The following CHD1 variants were observed in gnomAD, a reference collection of about 807,000 sequenced individuals.
CHD1 encodes the protein chromodomain helicase DNA binding protein 1.
In CHD1, 36 loss-of-function variants were observed where a neutral mutation model predicts 224.2. The observed-to-expected ratio is 0.16, with a 90% CI of 0.12 to 0.21. The LOEUF is 0.21. CHD1 is among the 10% of genes least tolerant of loss of function. The pLI, the probability that CHD1 is intolerant of heterozygous loss-of-function variation, is 1.00. For synonymous variants in CHD1, 668 were observed against 658.3 expected (o/e 1.01, Z -0.23); for missense variants, 1,378 against 1,994.8 (o/e 0.69, Z 5.89).
chr5:98,897,169 A>G (rs750504887), intron 11 of CHD1, 24 bp downstream of exon 11: 1 of 1,600,504 alleles, frequency 6.2e-7, no homozygotes, highest in Non-Finnish European at 8.5e-7. Flanking sequence ...GTCAAATTAA[A>G]TAGATGATTC....
chr5:98,901,376 A>G (rs754081316), intron 5 of CHD1, 41 bp from the exon 6 acceptor site: 3 of 1,535,842 alleles, frequency 2.0e-6, no homozygotes, highest in African/African-American at 1.4e-5. Flanking sequence ...TTGTACTTAT[A>G]TGGCAAGTTT....
intron 9 of CHD1, 71 bp downstream of exon 9, chr5:98,898,593 C>A: frequency 8.0e-7 from 1 of 1,254,406 alleles, no homozygotes; most frequent in Non-Finnish European, 1.1e-6. Context: ...ATGTAAGTGG[C>A]AAACTTATGA....
At position 98,856,559 on chromosome 5, in the gene CHD1, G is replaced by A. The variant is rs1326111325; in HGVS notation, c.4954C>T (p.His1652Tyr). 5.6e-6 allele frequency: 9 copies of A among 1,613,780 alleles called. No individual in the cohort carries two copies. In the East Asian group the frequency reaches 1.3e-4, roughly 24 times the overall value. Residue 1652 changes from histidine to tyrosine, a missense_variant, in exon 36 of 36, where the codon CAT (histidine) becomes TAT (tyrosine). Physicochemically the swap from His to Tyr is moderately conservative, Grantham distance 83 (BLOSUM62 2). This residue lies in a region of CHD1 where 278 missense variants were observed against 298.5 expected (regional missense o/e 0.93). Coordinates refer to ENST00000614616, the MANE Select transcript of CHD1 (RefSeq NM_001270.4). ...TACCTATAATCCCTGGAAGATTTATGGTGCGTATATTCAGAACTTGACCGG... is the reference window on the plus strand; with the variant it reads ...TACCTATAATCCCTGGAAGATTTATAGTGCGTATATTCAGAACTTGACCGG... ...DHRSSSEYTH[H>Y]KSSRDYRYHS... is the part of the protein sequence containing the mutation.
At chr5:98,903,067 A>G in intron 4 of CHD1, 103 bp from the exon 5 acceptor site, 1 of 573,072 alleles carries the variant, frequency 1.7e-6, no homozygotes, top group South Asian at 2.7e-5. Flanking sequence ...TACAAATAAC[A>G]GCACTTGTGA....
At chr5:98,867,668 C>CTTCTTAAA in intron 31 of CHD1, among the ~76,000 whole-genome samples, 1 of 152,140 alleles carries the variant, frequency 6.6e-6, no homozygotes. Flanking sequence ...TTAAACCCCT[C>CTTCTTAAA]TTCTTAAAAG....
chr5:98,862,113 G>A (rs1051732825), intron 32 of CHD1, among the ~76,000 whole-genome samples: 9 of 152,004 alleles, frequency 5.9e-5, no homozygotes, highest in Non-Finnish European at 8.8e-5. Flanking sequence ...GCTGAGATTC[G>A]CCACTGCACT....
intron 2 of CHD1, among the ~76,000 whole-genome samples, chr5:98,915,179 T>C (rs538402648): frequency 2.6e-5 from 4 of 152,172 alleles, no homozygotes; most frequent in Admixed American, 6.5e-5. Context: ...CTATAAAAGG[T>C]TTCAGAAAAC....
chr5:98,916,724 A>T (rs1752760635), intron 2 of CHD1, among the ~76,000 whole-genome samples: 1 of 152,168 alleles, frequency 6.6e-6, no homozygotes, highest in Non-Finnish European at 1.5e-5. Context: ...GCACCTAAGA[A>T]AAAACTGCCT....
chr5:98,915,378 T>G (rs1210274828), intron 2 of CHD1, among the ~76,000 whole-genome samples: 1 of 152,172 alleles, frequency 6.6e-6, no homozygotes, highest in Non-Finnish European at 1.5e-5. Context: ...CTGAAGAAAT[T>G]TAAAACTGTT....
Position 98,866,614 on chromosome 5 carries a change from A to G in CHD1, c.4248+1881T>C, listed in dbSNP as rs114316824. On this transcript the variant is annotated intron_variant, in intron 31 of 35. Coordinates refer to ENST00000614616, the MANE Select transcript of CHD1 (RefSeq NM_001270.4). The stretch of plus-strand genomic sequence containing the variant: ...ATAAAGCTGACACCCAAGTCTAACA[A>G]GTGACTGAAGTATGTTAACTGCTCC... Among the ~76,000 whole-genome samples the G allele has an allele frequency of 9.2e-3, 1,401 of 152,304 alleles. 16 individuals are homozygous for G. The highest frequency in any genetic ancestry group is 0.026 in the South Asian group (124 of 4,820).
rs753976094 is a variant in CHD1, at chr5:98,897,193, T to C, written c.1493A>G (p.Lys498Arg). The change falls in exon 11 of 36, where the codon AAA (lysine) becomes AGA (arginine). Residue 498 changes from lysine (K) to arginine (R), a missense_variant and splice_region_variant. By Grantham distance (26) the Lys-to-Arg change is conservative. Around this residue, in one of 16 missense-constraint regions of CHD1, gnomAD observed 49 missense variants for 135.7 expected, o/e 0.36. Transcript: ENST00000614616. ...AATAGATGATTCAAAATATACTTACTTGCACCAAGAATGAGCAAGCCAATT... is the reference window on the plus strand; with the variant it reads ...AATAGATGATTCAAAATATACTTACCTGCACCAAGAATGAGCAAGCCAATT... ...GLNWLAHSWC[K>R]GNSCILADEM... 6.2e-7 allele frequency: 1 copy of C among 1,610,018 alleles called. No homozygotes were observed. Among genetic ancestry groups the C allele is most frequent in the Non-Finnish European group, 8.5e-7 (1 of 1,178,320 alleles).
chr5:98,928,123 C>T (rs1440884220), intron 1 of CHD1, among the ~76,000 whole-genome samples: 1 of 152,156 alleles, frequency 6.6e-6, no homozygotes, highest in Non-Finnish European at 1.5e-5. Context: ...CTCTTCCCGC[C>T]TCAAACTTCC....
Position 98,855,648 on chromosome 5 carries a change from TA to T in CHD1, c.*731del, listed in dbSNP as rs1298875237. On this transcript the variant is annotated 3_prime_UTR_variant, in exon 36 of 36. Coordinates refer to ENST00000614616, the MANE Select transcript of CHD1 (RefSeq NM_001270.4). ...CAATGATTCCATCAAGACAAATCATTAAAAAGTGTTATTACACTGATTTTTT... is the reference window on the plus strand; with the variant it reads ...CAATGATTCCATCAAGACAAATCATTAAAAGTGTTATTACACTGATTTTTT... 2 of 151,222 alleles carry T rather than the reference TA, an allele frequency of 1.3e-5. No individual in the cohort carries two copies. The highest frequency in any genetic ancestry group is 3.9e-4 in the East Asian group (2 of 5,172). 9.4% of individuals were successfully genotyped at this position (151,222 alleles called of 1,614,324 possible).
At chr5:98,895,464 T>C (rs1158546903) in intron 12 of CHD1, among the ~76,000 whole-genome samples, 3 of 152,134 alleles carry the variant, frequency 2.0e-5, no homozygotes, top group Non-Finnish European at 2.9e-5. Context: ...ATTAAAAATG[T>C]AAAATAGGCT....
chr5:98,905,303 T>C (rs1751976362), intron 2 of CHD1, among the ~76,000 whole-genome samples: 1 of 152,094 alleles, frequency 6.6e-6, no homozygotes, highest in South Asian at 2.1e-4. Flanking sequence ...GATAGATTAT[T>C]ACATACTTGA....
intron 2 of CHD1, among the ~76,000 whole-genome samples, chr5:98,913,649 C>T (rs2112600114): frequency 6.6e-6 from 1 of 152,268 alleles, no homozygotes; most frequent in Non-Finnish European, 1.5e-5. Context: ...TATCTGTACA[C>T]TGGTTAGATG....
chr5:98,892,386 ATAAACT>A (rs2112471393), intron 15 of CHD1, 133 bp downstream of exon 15: 1 of 547,032 alleles, frequency 1.8e-6, no homozygotes, highest in African/African-American at 1.9e-5. Flanking sequence ...ACGACACAGA[ATAAACT>A]TATTCTGAAA....
Position 98,905,101 on chromosome 5 carries a change from A to G in CHD1, c.54-3T>C, listed in dbSNP as rs1402057305. ...ACCCAGAATCATCATCCGACTGGCT[A>G]TAATTTGAAAATAAACAATTTCAAA... On this transcript the variant is annotated splice_polypyrimidine_tract_variant and splice_region_variant and intron_variant, in intron 2 of 35. Transcript: ENST00000614616. 1 of 1,612,306 alleles carries G rather than the reference A, an allele frequency of 6.2e-7. No homozygotes were observed.
rs755428560 is a variant in CHD1, at chr5:98,856,411, G to A, written c.5102C>T (p.Pro1701Leu). 2.0e-5 allele frequency: 33 copies of A among 1,613,342 alleles called. No homozygotes were observed. The highest frequency in any genetic ancestry group is 2.0e-4 in the South Asian group (18 of 91,058). ...FEHSVEHKST[P>L]EHTWSSRKT ...TTTCCGACTACTCCAGGTATGCTCC[G>A]GTGTACTTTTGTGTTCAACTGAATG... is the stretch of plus-strand genomic sequence containing the variant. The change falls in exon 36 of 36, where the codon CCG (proline) becomes CTG (leucine). Residue 1701 changes from proline to leucine, a missense_variant. Around this residue, in one of 16 missense-constraint regions of CHD1, gnomAD observed 278 missense variants for 298.5 expected, o/e 0.93. Transcript: ENST00000614616.
Sources: gnomAD v4.1 joint callset for allele counts (sites outside exome capture counted in the v4.1 genomes callset) on GRCh38, gnomAD v4.1.1 for gene constraint, gnomAD v4.1.1 regional missense constraint, MANE v1.5 for transcripts, NCBI Gene and HGNC (gene_info 2026-07-23, HGNC 2026-07-21) for gene names.